CDH20: variants seen among roughly 807,000 people sequenced by gnomAD.
The protein encoded by CDH20 is cadherin-20.
Under a neutral mutation model 74.2 loss-of-function variants are expected in CDH20, and 29 were observed. The ratio of observed to expected loss-of-function variants is 0.39; its 90% confidence interval spans 0.29 to 0.53. The LOEUF (loss-of-function observed/expected upper bound fraction) is 0.53, where lower values mean the gene tolerates loss of function less well. Ranked by LOEUF, CDH20 falls within the 20% of genes least tolerant of loss-of-function variation. The pLI is 0.69. For synonymous variants in CDH20, 469 were observed against 405.4 expected (o/e 1.16, Z -1.88); for missense variants, 988 against 1,048.3 (o/e 0.94, Z 0.79).
intron 5 of CDH20, among the ~76,000 whole-genome samples, chr18:61,503,958 G>A (rs570482785): frequency 6.6e-6 from 1 of 152,178 alleles, no homozygotes; most frequent in East Asian, 1.9e-4. Context: ...TCTATGAATG[G>A]AACACAAAGC....
rs1373543155 is a variant in CDH20 at position 61,507,303 on chromosome 18, TATG to T, written c.830-67_830-65del. 28 of 1,407,178 alleles carry T rather than the reference TATG, an allele frequency of 2.0e-5. No individual in the cohort carries two copies. The East Asian group carries it at 6.2e-4, about 31-fold the overall frequency. The allele number at this position is 1,407,178 out of a possible 1,614,324, so 87.2% of individuals were successfully genotyped here. A position where few individuals can be genotyped will look rare whatever the true frequency, so the allele number is the denominator to read the frequency against. ...AAGATATTTTGCACAGCACTCCTGA[TATG>T]ATAATGATGAGGCATTTTTTATAGT... On this transcript the variant is annotated intron_variant, in intron 5 of 11. Coordinates refer to ENST00000262717, the MANE Select transcript of CDH20 (RefSeq NM_031891.4).
intron 1 of CDH20, among the ~76,000 whole-genome samples, chr18:61,488,424 A>G (rs1414704968): frequency 6.6e-6 from 1 of 152,134 alleles, no homozygotes; most frequent in East Asian, 1.9e-4. Context: ...GACTGTTCAA[A>G]TGTCGGTTGG....
At chr18:61,410,913 A>C (rs7234428) in intron 1 of CDH20, among the ~76,000 whole-genome samples, 19 of 152,218 alleles carry the variant, frequency 1.2e-4, no homozygotes, top group African/African-American at 3.9e-4. Flanking sequence ...AATATGTATA[A>C]GGCGGGGCTG....
rs558178895 is a variant in CDH20 at position 61,466,186 on chromosome 18, T to C, written c.-152-24216T>C. Among the ~76,000 whole-genome samples the C allele has an allele frequency of 1.3e-4, 20 of 151,762 alleles. No homozygotes were observed. The East Asian group carries it at 3.9e-3, about 29-fold the overall frequency. On this transcript the variant is annotated intron_variant, in intron 1 of 11. Transcript: ENST00000262717. Reference sequence around the variant, plus strand: ...CTTTTTACTGTGTGAATAGTAACATTACTTTTTTTGAAATAAATGGTAATT... The same window carrying C: ...CTTTTTACTGTGTGAATAGTAACATCACTTTTTTTGAAATAAATGGTAATT...
At chr18:61,497,433 T>C (rs181136188) in intron 2 of CDH20, among the ~76,000 whole-genome samples, 15 of 152,302 alleles carry the variant, frequency 9.8e-5, no homozygotes, top group Admixed American at 9.1e-4. Context: ...TAACACTGTC[T>C]CAGCCATGCT....
At chr18:61,469,793 A>G (rs578029737) in intron 1 of CDH20, among the ~76,000 whole-genome samples, 44 of 152,246 alleles carry the variant, frequency 2.9e-4, no homozygotes, top group Non-Finnish European at 5.0e-4. Flanking sequence ...CATGAAATTA[A>G]CAAAAAATGT....
At chr18:61,543,708 C>G (rs1913124352) in intron 9 of CDH20, among the ~76,000 whole-genome samples, 1 of 152,210 alleles carries the variant, frequency 6.6e-6, no homozygotes, top group African/African-American at 2.4e-5. Context: ...AGCTCTCCCT[C>G]CTGCCAACAA....
chr18:61,499,257 GTTTACCA>G lies in CDH20; in HGVS notation c.320_326del (p.Phe107SerfsTer24). ...TCTCGGGAGAAGGTGCTGGCATCGT[GTTTACCA>G]TCGACGACACCACTGGAGACATCCA... On this transcript the variant is annotated frameshift_variant, in exon 3 of 12. Transcript: ENST00000262717. LOFTEE classifies it high-confidence loss of function. 6.2e-7 allele frequency: 1 copy of G among 1,613,702 alleles called. No individual in the cohort carries two copies. Among genetic ancestry groups the G allele is most frequent in the Non-Finnish European group, 8.5e-7 (1 of 1,179,708 alleles).
intron 1 of CDH20, among the ~76,000 whole-genome samples, chr18:61,415,895 C>CTAA (rs1173474586): frequency 4.6e-5 from 7 of 152,026 alleles, no homozygotes; most frequent in Non-Finnish European, 1.0e-4. Flanking sequence ...TGAAGAATTA[C>CTAA]TAATATATTA....
chr18:61,514,478 C>T (rs980156091), intron 6 of CDH20, among the ~76,000 whole-genome samples: 2 of 152,114 alleles, frequency 1.3e-5, no homozygotes, highest in Non-Finnish European at 2.9e-5. Flanking sequence ...ATTTGATCCT[C>T]TGAAGCCTTC....
intron 1 of CDH20, among the ~76,000 whole-genome samples, chr18:61,419,408 T>C (rs1433774392): frequency 6.6e-6 from 1 of 152,232 alleles, no homozygotes; most frequent in Non-Finnish European, 1.5e-5. Flanking sequence ...TGTTTTTGTG[T>C]ATGTACCTTT....
rs149590454 is a variant in CDH20, at chr18:61,386,287, C to T, written c.-153+52460C>T. Among the ~76,000 whole-genome samples the T allele has an allele frequency of 1.9e-3, 295 of 152,218 alleles. 1 individual carries two copies. Among genetic ancestry groups the T allele is most frequent in the African/African-American group, 6.8e-3 (284 of 41,538 alleles). On this transcript the variant is annotated intron_variant, in intron 1 of 11. Coordinates refer to ENST00000262717, the MANE Select transcript of CDH20 (RefSeq NM_031891.4). The stretch of plus-strand genomic sequence containing the variant: ...GTGTGGCCTTTGGCAGTTGACTTAG[C>T]CATTGATTAGGCCCTTTTATAAGGT...
At chr18:61,388,359 T>G (rs1299341721) in intron 1 of CDH20, among the ~76,000 whole-genome samples, 2 of 152,214 alleles carry the variant, frequency 1.3e-5, no homozygotes, top group African/African-American at 4.8e-5. Context: ...GTCAACCCCT[T>G]CCAACTCAAT....
intron 1 of CDH20, among the ~76,000 whole-genome samples, chr18:61,450,143 C>G (rs1422322528): frequency 6.6e-6 from 1 of 151,992 alleles, no homozygotes; most frequent in Non-Finnish European, 1.5e-5. Flanking sequence ...TTATTTTACT[C>G]CATTTAATAC....
intron 11 of CDH20, among the ~76,000 whole-genome samples, chr18:61,551,789 G>A (rs75104750): frequency 0.015 from 2,287 of 152,240 alleles, 48 homozygotes; most frequent in South Asian, 0.061. Context: ...TTCCAGACTG[G>A]CTGTCCTTAC....
intron 1 of CDH20, among the ~76,000 whole-genome samples, chr18:61,486,072 C>CA (rs34494628): frequency 8.6e-5 from 13 of 150,548 alleles, no homozygotes; most frequent in South Asian, 4.2e-4. Flanking sequence ...GACTCCATCT[C>CA]AAAAAAAAAA....
rs964411270 is a variant in CDH20 at position 61,551,305 on chromosome 18, CTAG to C, written c.1900+1079_1900+1081del. 3.9e-4 allele frequency among the ~76,000 whole-genome samples: 59 copies of C among 152,208 alleles called. 1 individual carries two copies. The highest frequency in any genetic ancestry group is 1.2e-3 in the African/African-American group (49 of 41,530). Reference sequence around the variant, plus strand: ...TAGAGAAAAACAGATTTAGTAGATACTAGTATTATTCAATACAAAAGAAGTCCG... The same window carrying C: ...TAGAGAAAAACAGATTTAGTAGATACTATTATTCAATACAAAAGAAGTCCG... On this transcript the variant is annotated intron_variant, in intron 11 of 11. Transcript: ENST00000262717.
chr18:61,413,026 A>C (rs1388971864), intron 1 of CDH20, among the ~76,000 whole-genome samples: 1 of 152,252 alleles, frequency 6.6e-6, no homozygotes, highest in Non-Finnish European at 1.5e-5. Context: ...ACAAAAAATG[A>C]AGTCAGGAGA....
chr18:61,507,911 T>C (rs1413425662), intron 6 of CDH20, among the ~76,000 whole-genome samples: 4 of 152,188 alleles, frequency 2.6e-5, no homozygotes, highest in African/African-American at 9.7e-5. Context: ...AACATATGCA[T>C]TGTAGCATAC....
Sources: gnomAD v4.1 joint callset for allele counts (sites outside exome capture counted in the v4.1 genomes callset) on GRCh38, gnomAD v4.1.1 for gene constraint, MANE v1.5 for transcripts, NCBI Gene and HGNC (gene_info 2026-07-23, HGNC 2026-07-21) for gene names.